The following STAU2 variants were observed in gnomAD, a reference collection of about 807,000 sequenced individuals.
STAU2 encodes the protein double-stranded RNA-binding protein Staufen homolog 2.
In STAU2, 20 loss-of-function variants were observed where a neutral mutation model predicts 65.9. That is an observed-to-expected ratio of 0.30 (90% CI 0.21 to 0.44). STAU2 has a LOEUF of 0.44. STAU2 is among the 20% of genes least tolerant of loss of function. The pLI, the probability that STAU2 is intolerant of heterozygous loss-of-function variation, is 1.00. For synonymous variants in STAU2, 232 were observed against 233.9 expected (o/e 0.99, Z 0.07); for missense variants, 558 against 683.9 (o/e 0.82, Z 2.05).
chr8:73,535,310 C>G (rs1020293387), intron 13 of STAU2, among the ~76,000 whole-genome samples: 19 of 152,094 alleles, frequency 1.2e-4, no homozygotes, highest in Non-Finnish European at 2.4e-4. Flanking sequence ...ACTGGGACTA[C>G]AGGCGCCCAC....
intron 13 of STAU2, chr8:73,440,484 C>T (rs1331926979): frequency 1.3e-5 from 2 of 152,246 alleles, no homozygotes; most frequent in African/African-American, 4.8e-5. Flanking sequence ...GCCTCACTTG[C>T]TTTCATTCTC....
intron 6 of STAU2, among the ~76,000 whole-genome samples, chr8:73,639,169 T>C (rs934020074): frequency 4.6e-5 from 7 of 152,110 alleles, no homozygotes; most frequent in African/African-American, 1.7e-4. Context: ...AGTTTAATAG[T>C]GAAAATTTTT....
chr8:73,694,392 A>C (rs1312384166), intron 4 of STAU2, among the ~76,000 whole-genome samples: 3 of 152,238 alleles, frequency 2.0e-5, no homozygotes, highest in African/African-American at 7.2e-5. Context: ...ACTTGCTCTC[A>C]ATTGTTCACA....
chr8:73,647,212 G>C (rs547400485), intron 6 of STAU2, among the ~76,000 whole-genome samples: 24 of 152,044 alleles, frequency 1.6e-4, no homozygotes, highest in Non-Finnish European at 5.9e-5. Context: ...ACACAACTGA[G>C]GTATCACACT....
intron 10 of STAU2, among the ~76,000 whole-genome samples, chr8:73,595,588 T>C (rs1316597538): frequency 6.6e-6 from 1 of 152,144 alleles, no homozygotes; most frequent in East Asian, 1.9e-4. Flanking sequence ...TTATATTATT[T>C]ATATAAGCAG....
intron 13 of STAU2, among the ~76,000 whole-genome samples, chr8:73,477,770 G>A (rs995573854): frequency 6.6e-6 from 1 of 152,148 alleles, no homozygotes; most frequent in Non-Finnish European, 1.5e-5. Context: ...GGACTGTCTA[G>A]GTTTCTGCAT....
At chr8:73,717,325 T>TACAAA (rs1821319654) in intron 3 of STAU2, among the ~76,000 whole-genome samples, 2 of 145,464 alleles carry the variant, frequency 1.4e-5, no homozygotes, top group African/African-American at 5.2e-5. Flanking sequence ...TTAATGTATA[T>TACAAA]CTAAAAAATT....
intron 12 of STAU2, among the ~76,000 whole-genome samples, chr8:73,571,790 A>C (rs992523945): frequency 1.3e-5 from 2 of 152,234 alleles, no homozygotes; most frequent in Non-Finnish European, 2.9e-5. Context: ...CCACAAGAGA[A>C]AGCAGGAAAG....
chr8:73,684,719 G>A (rs1435306650), intron 5 of STAU2, among the ~76,000 whole-genome samples: 2 of 151,934 alleles, frequency 1.3e-5, no homozygotes, highest in Non-Finnish European at 2.9e-5. Flanking sequence ...ATCTGACAAA[G>A]GACTAATATC....
chr8:73,591,498 G>A (rs1332417566), intron 11 of STAU2, among the ~76,000 whole-genome samples: 1 of 151,924 alleles, frequency 6.6e-6, no homozygotes, highest in Non-Finnish European at 1.5e-5. Context: ...TTTAAAGATA[G>A]GTTAAAAGTA....
intron 13 of STAU2, among the ~76,000 whole-genome samples, chr8:73,495,293 A>G (rs1331374932): frequency 6.6e-6 from 1 of 151,516 alleles, no homozygotes; most frequent in African/African-American, 2.4e-5. Flanking sequence ...TAGAGTATGC[A>G]TTTTCCTCTC....
chr8:73,544,215 C>T (rs939850618), intron 13 of STAU2, among the ~76,000 whole-genome samples: 2 of 152,224 alleles, frequency 1.3e-5, no homozygotes, highest in Admixed American at 6.5e-5. Context: ...CCTTAGACAA[C>T]TGTACCCTAG....
chr8:73,537,191 A>G (rs1488469971), intron 13 of STAU2, among the ~76,000 whole-genome samples: 1 of 152,182 alleles, frequency 6.6e-6, no homozygotes, highest in East Asian at 1.9e-4. Flanking sequence ...AATCTGAAAA[A>G]CAGAGAAAAA....
intron 6 of STAU2, among the ~76,000 whole-genome samples, chr8:73,664,527 T>C (rs1234008107): frequency 1.3e-5 from 2 of 152,206 alleles, no homozygotes; most frequent in Non-Finnish European, 2.9e-5. Context: ...GTCAAATGTT[T>C]TTTCTGCACC....
intron 6 of STAU2, among the ~76,000 whole-genome samples, chr8:73,637,463 T>TTAAAAAAAAAAAAAAAAAA (rs1563473627): frequency 1.8e-5 from 1 of 56,586 alleles, no homozygotes; most frequent in African/African-American, 6.1e-5. Context: ...AAAGTCTTTA[T>TTAAAAAAAAAAAAAAAAAA]AAAGTGCTGA....
chr8:73,428,673 T>C (rs1817025010), intron 13 of STAU2, among the ~76,000 whole-genome samples: 2 of 152,202 alleles, frequency 1.3e-5, no homozygotes, highest in South Asian at 4.1e-4. Flanking sequence ...AAAAATCGTT[T>C]TTAGGCTACT....
chr8:73,474,545 A>C (rs928953507), intron 13 of STAU2, among the ~76,000 whole-genome samples: 1 of 102,096 alleles, frequency 9.8e-6, no homozygotes, highest in Non-Finnish European at 2.2e-5. Context: ...ACCACTTTCT[A>C]TCTCTGAGCA....
chr8:73,456,536 AG>A (rs1380592758), intron 13 of STAU2, among the ~76,000 whole-genome samples: 4 of 150,736 alleles, frequency 2.7e-5, no homozygotes, highest in Non-Finnish European at 5.9e-5. Context: ...GCTAAGTGGG[AG>A]GGGGAGGGAG....
chr8:73,591,790 A>C (rs1261736912), intron 11 of STAU2, among the ~76,000 whole-genome samples: 1 of 151,124 alleles, frequency 6.6e-6, no homozygotes, highest in African/African-American at 2.4e-5. Flanking sequence ...ATCATAACAG[A>C]TACAGGGCCT....
Sources: gnomAD v4.1 joint callset for allele counts (sites outside exome capture counted in the v4.1 genomes callset) on GRCh38, gnomAD v4.1.1 for gene constraint, MANE v1.5 for transcripts, NCBI Gene and HGNC (gene_info 2026-07-23, HGNC 2026-07-21) for gene names.